ZDHHC2: variants seen among roughly 807,000 people sequenced by gnomAD.
ZDHHC2 encodes the protein palmitoyltransferase ZDHHC2.
A neutral mutation model predicts 55.6 loss-of-function variants in ZDHHC2; 51 were observed. The observed-to-expected ratio is 0.92, with a 90% confidence interval of 0.73 to 1.16. The LOEUF (loss-of-function observed/expected upper bound fraction) is 1.16, where lower values mean the gene tolerates loss of function less well. Among genes scored for constraint, ZDHHC2 ranks in the 50% most tolerant of loss-of-function variants. The pLI is 0.00. For synonymous variants in ZDHHC2, 199 were observed against 152.9 expected (o/e 1.30, Z -2.22); for missense variants, 491 against 442.4 (o/e 1.11, Z -0.99).
In ZDHHC2 at chr8:17,218,154, G is replaced by A. The variant is rs557138024; in HGVS notation, c.*34+908G>A. On this transcript the variant is annotated intron_variant, in intron 12 of 12. Transcript: ENST00000262096. The stretch of plus-strand genomic sequence containing the variant: ...TAGTATCTGATTTTGGGAAGAGCAG[G>A]ATCAGCTCTGAATACCTGTTGCTAC... 4.6e-5 allele frequency among the ~76,000 whole-genome samples: 7 copies of A among 152,302 alleles called. 1 individual carries two copies. In the South Asian group the frequency reaches 1.4e-3, roughly 32 times the overall value.
At chr8:17,201,502 T>G (rs1267735486) in intron 6 of ZDHHC2, among the ~76,000 whole-genome samples, 2 of 132,640 alleles carry the variant, frequency 1.5e-5, no homozygotes, top group African/African-American at 5.6e-5. Context: ...TTTTTTTTTT[T>G]TTTTTTTTTA....
rs1448261046 is a variant in ZDHHC2 at position 17,205,887 on chromosome 8, T to A, written c.597+112T>A. 6.8e-6 allele frequency: 7 copies of A among 1,036,690 alleles called. No homozygotes were observed. The Admixed American group carries it at 1.7e-4, about 26-fold the overall frequency. The allele number at this position is 1,036,690 out of a possible 1,614,324, so 64.2% of individuals were successfully genotyped here. A position where few individuals can be genotyped will look rare whatever the true frequency, so the allele number is the denominator to read the frequency against. ...CTTTATAGACCAGAGCTCATTGACA[T>A]GCAGTCAGTCCTCATTATTCGCAGA... is the stretch of plus-strand genomic sequence containing the variant. On this transcript the variant is annotated intron_variant, in intron 7 of 12. Transcript: ENST00000262096.
intron 5 of ZDHHC2, 47 bp from the exon 6 acceptor site, chr8:17,198,334 T>C (rs1228375407): frequency 3.3e-6 from 5 of 1,523,150 alleles, no homozygotes; most frequent in Non-Finnish European, 4.4e-6. Flanking sequence ...TTAATATGAT[T>C]AAAATTTCAT....
chr8:17,190,932 A>C (rs1026144373), intron 3 of ZDHHC2, among the ~76,000 whole-genome samples: 1 of 148,780 alleles, frequency 6.7e-6, no homozygotes, highest in Non-Finnish European at 1.5e-5. Flanking sequence ...GTGCTGTCAA[A>C]TACTAGGTCT....
chr8:17,171,711 CGT>C (rs1200722621), intron 1 of ZDHHC2, among the ~76,000 whole-genome samples: 2 of 151,718 alleles, frequency 1.3e-5, no homozygotes, highest in African/African-American at 2.4e-5. Flanking sequence ...AATTCCGCCA[CGT>C]GTGACAACAT....
chr8:17,197,806 A>G (rs1032593002), intron 5 of ZDHHC2, among the ~76,000 whole-genome samples, 155 bp downstream of exon 5: 2 of 152,220 alleles, frequency 1.3e-5, no homozygotes, highest in African/African-American at 4.8e-5. Flanking sequence ...GCTGGCATTC[A>G]TACCAGTGAG....
At chr8:17,203,578 CT>C (rs1300020119) in intron 6 of ZDHHC2, among the ~76,000 whole-genome samples, 1 of 152,058 alleles carries the variant, frequency 6.6e-6, no homozygotes, top group African/African-American at 2.4e-5. Flanking sequence ...CCTACCCATT[CT>C]TTCCCCTTGA....
In ZDHHC2 at chr8:17,176,223, G is replaced by GT. The variant is rs140640043; in HGVS notation, c.131-8565dup. On this transcript the variant is annotated intron_variant, in intron 1 of 12. Transcript: ENST00000262096. Reference sequence around the variant, plus strand: ...TTGAGGTAGTCGATTGCCTTGCCCCGTGTTTGTGGTTAGTAGACTGTTAGG... The same window carrying GT: ...TTGAGGTAGTCGATTGCCTTGCCCCGTTGTTTGTGGTTAGTAGACTGTTAGG... 2.3e-3 allele frequency among the ~76,000 whole-genome samples: 354 copies of GT among 152,208 alleles called. 12 individuals are homozygous for GT. The East Asian group carries it at 0.055, about 24-fold the overall frequency.
At chr8:17,197,484 C>A in intron 4 of ZDHHC2, 98 bp from the exon 5 acceptor site, 2 of 1,035,082 alleles carry the variant, frequency 1.9e-6, no homozygotes, top group South Asian at 1.7e-5. Context: ...ATTTCATATG[C>A]TTTTTAAAAT....
In ZDHHC2 at chr8:17,199,509, T is replaced by TTCTTCTTCTTCTTCGTCTTCG. The variant is rs1297662337; in HGVS notation, c.476+1101_476+1102insTTCTTCTTCGTCTTCGTCTTC. ...CTTCTTCTTCTTCTTCTTCTTCTTC[T>TTCTTCTTCTTCTTCGTCTTCG]TCTTCGTCTTCGTCTTCGTCTTCTG... On this transcript the variant is annotated intron_variant, in intron 6 of 12. Transcript: ENST00000262096. Among the ~76,000 whole-genome samples, 317 of 121,064 alleles carry TTCTTCTTCTTCTTCGTCTTCG rather than the reference T, an allele frequency of 2.6e-3. 5 individuals carry two copies. The highest frequency in any genetic ancestry group is 8.3e-3 in the Middle Eastern group (2 of 242). 79.4% of individuals were successfully genotyped at this position (121,064 alleles called of 152,430 possible).
Position 17,199,621 on chromosome 8 carries a change from CTTCCTTTCTTCTTCTT to C in ZDHHC2, c.476+1209_476+1224del, listed in dbSNP as rs1285950493. Among the ~76,000 whole-genome samples the C allele has an allele frequency of 5.3e-3, 258 of 48,746 alleles. 5 individuals carry two copies. The highest frequency in any genetic ancestry group is 0.02 in the Middle Eastern group (1 of 50). 32.0% of individuals were successfully genotyped at this position (48,746 alleles called of 152,430 possible). On this transcript the variant is annotated intron_variant, in intron 6 of 12. Coordinates refer to ENST00000262096, the MANE Select transcript of ZDHHC2 (RefSeq NM_016353.5). ...TTCTTTATTCTTTCTTCTTCTTCTT[CTTCCTTTCTTCTTCTT>C]CTCCTCCTCCTCCTCCCTCCTCCCT...
chr8:17,217,282 A>T, intron 12 of ZDHHC2, 36 bp downstream of exon 12: 1 of 1,447,266 alleles, frequency 6.9e-7, no homozygotes. Flanking sequence ...TTATATTTTT[A>T]ACAGTCTTCT....
In ZDHHC2 at chr8:17,186,460, TAG is replaced by T. The variant is rs1368386005; in HGVS notation, c.252+37_252+38del. The T allele has an allele frequency of 3.2e-6, 4 of 1,264,210 alleles. No individual in the cohort carries two copies. In the African/African-American group the frequency reaches 4.7e-5, roughly 15 times the overall value. The allele number at this position is 1,264,210 out of a possible 1,614,324, so 78.3% of individuals were successfully genotyped here. On this transcript the variant is annotated intron_variant, in intron 3 of 12. Transcript: ENST00000262096. ...AATATTAACGAAATTATTCTAATAA[TAG>T]AAATCAATAATACTGATGTATTATT...
chr8:17,195,581 A>T lies in ZDHHC2; in HGVS notation c.330A>T (p.Arg110=), dbSNP rs370478266. 2 of 1,613,984 alleles carry T rather than the reference A, an allele frequency of 1.2e-6. No homozygotes were observed. The highest frequency in any genetic ancestry group is 3.3e-5 in the Admixed American group (2 of 60,020). ...AAGCCCATCAGGAAGTTCTTAGGCG[A>T]GCAGCCAAGGATCTTCCCATCTATA... ...RGEAHQEVLR[R]AAKDLPIYTR... is the part of the protein sequence containing the mutation. Residue 110 remains arginine, a synonymous_variant, in exon 4 of 13, where the codon CGA becomes CGT. Transcript: ENST00000262096.
At chr8:17,198,722 A>G (rs1477811439) in intron 6 of ZDHHC2, among the ~76,000 whole-genome samples, 2 of 152,246 alleles carry the variant, frequency 1.3e-5, no homozygotes, top group East Asian at 3.9e-4. Context: ...AGAAATACAC[A>G]CAAAGATGTA....
intron 1 of ZDHHC2, among the ~76,000 whole-genome samples, chr8:17,170,082 T>C (rs1337756407): frequency 6.6e-6 from 1 of 152,218 alleles, no homozygotes; most frequent in Non-Finnish European, 1.5e-5. Context: ...GGGCTAGTGC[T>C]GTAGGTGAAT....
intron 7 of ZDHHC2, among the ~76,000 whole-genome samples, chr8:17,206,226 C>T (rs1038132656): frequency 2.6e-5 from 4 of 152,054 alleles, no homozygotes; most frequent in Admixed American, 6.6e-5. Context: ...AAAAGAGAAC[C>T]GATGTGTGTT....
At chr8:17,197,791 A>T in intron 5 of ZDHHC2, 140 bp downstream of exon 5, 1 of 918,674 alleles carries the variant, frequency 1.1e-6, no homozygotes, top group East Asian at 2.6e-5. Context: ...GAGTTGGTAT[A>T]ACCCGCTGGC....
intron 4 of ZDHHC2, among the ~76,000 whole-genome samples, chr8:17,195,839 A>T (rs778840511): frequency 1.3e-5 from 2 of 152,212 alleles, no homozygotes; most frequent in Non-Finnish European, 1.5e-5. Context: ...GGAAATCAGA[A>T]CTGACTTTAA....
Sources: allele counts gnomAD v4.1 joint callset (sites outside exome capture counted in the v4.1 genomes callset), GRCh38; gene constraint gnomAD v4.1.1; transcripts MANE v1.5; gene names NCBI Gene and HGNC (gene_info 2026-07-23, HGNC 2026-07-21).